Variants in SYT10 observed in about 807,000 individuals in gnomAD.
The protein encoded by SYT10 is synaptotagmin-10.
SYT10 carries 31 observed loss-of-function variants against 51.1 expected under a neutral mutation model. That is an observed-to-expected ratio of 0.61 (90% CI 0.46 to 0.82). SYT10 has a LOEUF of 0.82. SYT10 is among the 40% of genes least tolerant of loss of function. The pLI is 0.00. For missense variants in SYT10, 603 were observed against 634.0 expected, an observed-to-expected ratio of 0.95 and a Z score of 0.53; for synonymous variants, 233 against 225.9, an observed-to-expected ratio of 1.03 and a Z score of -0.28.
intron 3 of SYT10, among the ~76,000 whole-genome samples, chr12:33,392,694 T>C (rs973654216): frequency 5.3e-5 from 8 of 152,030 alleles, no homozygotes; most frequent in African/African-American, 1.9e-4. Context: ...ATGAATTTTA[T>C]ACTAAGCACA....
intron 2 of SYT10, among the ~76,000 whole-genome samples, chr12:33,416,484 AC>A (rs1181104404): frequency 6.6e-6 from 1 of 151,956 alleles, no homozygotes; most frequent in South Asian, 2.1e-4. Flanking sequence ...GATATTGAAA[AC>A]CCTTTCTATA....
intron 3 of SYT10, among the ~76,000 whole-genome samples, chr12:33,392,624 G>T (rs955707642): frequency 1.3e-5 from 2 of 151,904 alleles, no homozygotes; most frequent in African/African-American, 2.4e-5. Context: ...TGAAGATAAA[G>T]AAAATGCTCA....
intron 2 of SYT10, among the ~76,000 whole-genome samples, chr12:33,416,258 T>G (rs1470747340): frequency 3.3e-5 from 5 of 152,070 alleles, no homozygotes; most frequent in African/African-American, 9.7e-5. Context: ...TTTTTTTGTA[T>G]TTTTAGTAGA....
At chr12:33,409,585 CT>C (rs1866388672) in intron 2 of SYT10, among the ~76,000 whole-genome samples, 2 of 151,600 alleles carry the variant, frequency 1.3e-5, no homozygotes, top group Admixed American at 1.3e-4. Context: ...GTGATCTCGG[CT>C]CACTGCGAGC....
chr12:33,396,452 CA>C (rs1023539529), intron 3 of SYT10, among the ~76,000 whole-genome samples: 1 of 152,110 alleles, frequency 6.6e-6, no homozygotes, highest in Admixed American at 6.6e-5. Flanking sequence ...GAGTAATTTA[CA>C]TCAGAATACT....
chr12:33,389,816 T>C lies in SYT10; in HGVS notation c.1078-4525A>G, dbSNP rs1048596563. On this transcript the variant is annotated intron_variant, in intron 3 of 6. Transcript: ENST00000228567. ...AGATCAAATGAGCTTCTTCATCAAG[T>C]TACTAGTCCTTCATCCACCTGCCCA... 2.0e-5 allele frequency among the ~76,000 whole-genome samples: 3 copies of C among 152,264 alleles called. No homozygotes were observed. In the East Asian group the frequency reaches 5.8e-4, roughly 29 times the overall value.
intron 3 of SYT10, among the ~76,000 whole-genome samples, chr12:33,391,825 C>A (rs1379163317): frequency 6.6e-6 from 1 of 152,102 alleles, no homozygotes; most frequent in Admixed American, 6.5e-5. Context: ...CAAAAGCTTA[C>A]TAAATGAGTA....
intron 1 of SYT10, chr12:33,432,550 G>C (rs1245454904): frequency 5.9e-5 from 9 of 151,888 alleles, no homozygotes; most frequent in Non-Finnish European, 1.3e-4. Flanking sequence ...CCACTTCTCA[G>C]GTACATTAAC....
chr12:33,394,800 A>G (rs1427966708), intron 3 of SYT10, among the ~76,000 whole-genome samples: 2 of 152,228 alleles, frequency 1.3e-5, no homozygotes, highest in Non-Finnish European at 1.5e-5. Context: ...TAATAGAAAT[A>G]GTGCTTACAC....
At chr12:33,428,784 T>C (rs768699926) in intron 1 of SYT10, among the ~76,000 whole-genome samples, 3 of 152,018 alleles carry the variant, frequency 2.0e-5, no homozygotes, top group Non-Finnish European at 2.9e-5. Flanking sequence ...CGGGTGCCTG[T>C]AGTCCCAGCT....
intron 6 of SYT10, among the ~76,000 whole-genome samples, chr12:33,379,581 G>A (rs75169640): frequency 0.38 from 23,462 of 61,086 alleles, 3,641 homozygotes; most frequent in African/African-American, 0.51. Context: ...AAAAAAAAAA[G>A]AGACTTGCAA....
intron 3 of SYT10, among the ~76,000 whole-genome samples, chr12:33,398,743 A>C (rs1866278660): frequency 6.6e-6 from 1 of 152,176 alleles, no homozygotes; most frequent in Non-Finnish European, 1.5e-5. Flanking sequence ...ACCATAAAAT[A>C]TATCCTATGG....
intron 3 of SYT10, among the ~76,000 whole-genome samples, chr12:33,395,868 C>CATT (rs3046351): frequency 0.47 from 71,528 of 151,750 alleles, 18,025 homozygotes; most frequent in East Asian, 0.89. Context: ...CAAGAAAATT[C>CATT]ATTTCTTTTC....
At chr12:33,414,330 G>T (rs894269380) in intron 2 of SYT10, among the ~76,000 whole-genome samples, 1 of 152,006 alleles carries the variant, frequency 6.6e-6, no homozygotes, top group Non-Finnish European at 1.5e-5. Flanking sequence ...TGCACCAAGC[G>T]GACCTAATAG....
chr12:33,380,521 C>T (rs929689699), intron 5 of SYT10, among the ~76,000 whole-genome samples: 3 of 152,114 alleles, frequency 2.0e-5, no homozygotes, highest in African/African-American at 7.2e-5. Context: ...TACTGGACAA[C>T]ATTTGTATAT....
At chr12:33,423,986 T>C (rs374343991) in intron 2 of SYT10, 3 of 449,954 alleles carry the variant, frequency 6.7e-6, no homozygotes, top group African/African-American at 2.0e-5. Context: ...CAAAATTCTT[T>C]TCTTCTTCTT....
chr12:33,379,124 A>G (rs1346729288), intron 6 of SYT10, among the ~76,000 whole-genome samples: 11 of 152,114 alleles, frequency 7.2e-5, no homozygotes, highest in Admixed American at 6.6e-5. Flanking sequence ...CTCCCATTCA[A>G]TCCAGTCCCT....
chr12:33,388,572 T>C (rs1231026159), intron 3 of SYT10, among the ~76,000 whole-genome samples: 1 of 152,206 alleles, frequency 6.6e-6, no homozygotes. Flanking sequence ...AAATTTATTT[T>C]GGGTAAGAAG....
chr12:33,392,142 A>G (rs1866213207), intron 3 of SYT10, among the ~76,000 whole-genome samples: 1 of 152,232 alleles, frequency 6.6e-6, no homozygotes, highest in Non-Finnish European at 1.5e-5. Flanking sequence ...ATTTCTCTAT[A>G]GAGCTCTCTA....
Sources: gnomAD v4.1 joint callset for allele counts (sites outside exome capture counted in the v4.1 genomes callset) on GRCh38, gnomAD v4.1.1 for gene constraint, MANE v1.5 for transcripts, NCBI Gene and HGNC (gene_info 2026-07-23, HGNC 2026-07-21) for gene names.